MTUS1: variants seen among roughly 807,000 people sequenced by gnomAD.
MTUS1 encodes microtubule associated scaffold protein 1, also known as microtubule-associated tumor suppressor 1.
In MTUS1, 109 loss-of-function variants were observed where a neutral mutation model predicts 120.8. The ratio of observed to expected loss-of-function variants is 0.90; its 90% CI spans 0.77 to 1.06. MTUS1 has a LOEUF of 1.06. MTUS1 is among the 50% of genes least tolerant of loss of function. The pLI is 0.00. For synonymous variants in MTUS1, 737 were observed against 550.5 expected (o/e 1.34, Z -4.74); for missense variants, 2,210 against 1,486.3 (o/e 1.49, Z -8.01).
chr8:17,795,782 G>A (rs1323928736), intron 1 of MTUS1, among the ~76,000 whole-genome samples: 2 of 151,494 alleles, frequency 1.3e-5, no homozygotes, highest in Admixed American at 6.6e-5. Flanking sequence ...GGGGATATAA[G>A]CACCCACCAC....
chr8:17,793,798 C>T (rs1218655973), intron 1 of MTUS1, among the ~76,000 whole-genome samples: 37 of 152,126 alleles, frequency 2.4e-4, no homozygotes, highest in Non-Finnish European at 2.2e-4. Flanking sequence ...ATACAACCTA[C>T]GTGACCAAAC....
intron 1 of MTUS1, among the ~76,000 whole-genome samples, chr8:17,778,638 T>C (rs1359553839): frequency 1.3e-5 from 2 of 151,964 alleles, no homozygotes. Context: ...TGAAACCCTG[T>C]CTCTACCAAA....
chr8:17,686,803 C>A (rs1013125383), intron 6 of MTUS1, among the ~76,000 whole-genome samples: 1 of 152,088 alleles, frequency 6.6e-6, no homozygotes, highest in Non-Finnish European at 1.5e-5. Context: ...ACAATGTTTA[C>A]TTTTGAAGGG....
intron 8 of MTUS1, among the ~76,000 whole-genome samples, chr8:17,657,907 A>G (rs1808772895): frequency 6.6e-6 from 1 of 151,472 alleles, no homozygotes; most frequent in Non-Finnish European, 1.5e-5. Context: ...GTATGCATGC[A>G]TATATGTATA....
chr8:17,653,334 C>G (rs1012147051), intron 11 of MTUS1, 53 bp from the exon 12 acceptor site: 5 of 1,482,318 alleles, frequency 3.4e-6, no homozygotes, highest in Non-Finnish European at 4.6e-6. Flanking sequence ...CCCAGAAACT[C>G]AGCATACGTA....
chr8:17,654,716 A>C, intron 9 of MTUS1, 50 bp from the exon 10 acceptor site: 1 of 1,341,190 alleles, frequency 7.5e-7, no homozygotes, highest in Non-Finnish European at 1.1e-6. Context: ...CAAATGTCCT[A>C]AGTTGAATAC....
chr8:17,702,988 C>T (rs1353764187), intron 6 of MTUS1, among the ~76,000 whole-genome samples: 1 of 152,286 alleles, frequency 6.6e-6, no homozygotes, highest in East Asian at 1.9e-4. Flanking sequence ...TCTTTGTAAG[C>T]TGAGGATGTA....
At chr8:17,667,280 T>G (rs1811113414) in intron 8 of MTUS1, among the ~76,000 whole-genome samples, 1 of 152,228 alleles carries the variant, frequency 6.6e-6, no homozygotes, top group Admixed American at 6.5e-5. Flanking sequence ...CAGCCCTGTT[T>G]TGGTGTACAG....
chr8:17,764,179 T>C (rs924149174), intron 1 of MTUS1, among the ~76,000 whole-genome samples: 38 of 152,240 alleles, frequency 2.5e-4, no homozygotes, highest in African/African-American at 9.2e-4. Context: ...TTTAGTCATC[T>C]TTTGTTTTGT....
At chr8:17,787,818 C>T (rs2131563493) in intron 1 of MTUS1, among the ~76,000 whole-genome samples, 1 of 152,316 alleles carries the variant, frequency 6.6e-6, no homozygotes, top group African/African-American at 2.4e-5. Flanking sequence ...ATAGTTTATT[C>T]ATCCAGTCAC....
intron 2 of MTUS1, among the ~76,000 whole-genome samples, chr8:17,751,834 G>C (rs2048216844): frequency 7.0e-6 from 1 of 143,368 alleles, no homozygotes; most frequent in African/African-American, 2.7e-5. Context: ...CTCCAGCCTG[G>C]CGAAAGAGCA....
intron 2 of MTUS1, among the ~76,000 whole-genome samples, chr8:17,747,551 GC>G (rs1563313239): frequency 6.6e-6 from 1 of 152,144 alleles, no homozygotes; most frequent in African/African-American, 2.4e-5. Context: ...GAAACCCACA[GC>G]CTAAAGTGAG....
chr8:17,723,787 C>T lies in MTUS1; in HGVS notation c.2334G>A (p.Leu778=), dbSNP rs1286132327. 8 of 1,609,008 alleles carry T rather than the reference C, an allele frequency of 5.0e-6. No individual in the cohort carries two copies. The highest frequency in any genetic ancestry group is 4.4e-5 in the South Asian group (4 of 90,744). Reference sequence around the variant, plus strand: ...CTTTGGATTTAGGAAGTGGTCTAGGCAAATTCACCCATGACGACTGTGCAG... The same window carrying T: ...CTTTGGATTTAGGAAGTGGTCTAGGTAAATTCACCCATGACGACTGTGCAG... The part of the protein sequence containing the change: ...LKTAQSSWVN[L]PRPLPKSKAS... The change falls in exon 4 of 15, where the codon TTG becomes TTA. Residue 778 remains leucine, a synonymous_variant. Coordinates refer to ENST00000693296, the MANE Select transcript of MTUS1 (RefSeq NM_001363059.2).
At chr8:17,666,151 A>G (rs188549622) in intron 8 of MTUS1, among the ~76,000 whole-genome samples, 7 of 147,788 alleles carry the variant, frequency 4.7e-5, no homozygotes, top group Admixed American at 2.7e-4. Context: ...ATAAACGAAC[A>G]CATTTAGGAA....
intron 4 of MTUS1, among the ~76,000 whole-genome samples, chr8:17,720,270 G>A (rs950762848): frequency 2.0e-5 from 3 of 151,754 alleles, no homozygotes; most frequent in Non-Finnish European, 4.4e-5. Context: ...GCTTGAACCC[G>A]GGAGGCAGAG....
rs1271024973 is a variant in MTUS1 at position 17,645,338 on chromosome 8, T to C, written c.*588A>G. ...GAGCAGAGTTGGTGGTAGATGATCATAATTCAAGCAACTATTGCTTTTTCT... is the reference window on the plus strand; with the variant it reads ...GAGCAGAGTTGGTGGTAGATGATCACAATTCAAGCAACTATTGCTTTTTCT... On this transcript the variant is annotated 3_prime_UTR_variant, in exon 15 of 15. Transcript: ENST00000693296. 3.3e-5 allele frequency: 5 copies of C among 152,874 alleles called. No individual in the cohort carries two copies. The highest frequency in any genetic ancestry group is 2.0e-4 in the Admixed American group (3 of 15,294). 9.5% of individuals were successfully genotyped at this position (152,874 alleles called of 1,614,324 possible).
intron 1 of MTUS1, among the ~76,000 whole-genome samples, chr8:17,774,076 C>A (rs2050216565): frequency 6.6e-6 from 1 of 152,172 alleles, no homozygotes; most frequent in Non-Finnish European, 1.5e-5. Context: ...AGTCCCCAAC[C>A]CACAAGCATA....
At chr8:17,794,422 T>A (rs975459841) in intron 1 of MTUS1, among the ~76,000 whole-genome samples, 2 of 152,234 alleles carry the variant, frequency 1.3e-5, no homozygotes, top group African/African-American at 2.4e-5. Flanking sequence ...ACATGAAATA[T>A]AAGCCTAACT....
intron 2 of MTUS1, among the ~76,000 whole-genome samples, chr8:17,750,617 T>C (rs921541518): frequency 3.9e-5 from 6 of 152,142 alleles, no homozygotes; most frequent in Admixed American, 3.3e-4. Flanking sequence ...CTCGCTGAAG[T>C]ATTAAAATGT....
Sources: gnomAD v4.1 joint callset for allele counts (sites outside exome capture counted in the v4.1 genomes callset) on GRCh38, gnomAD v4.1.1 for gene constraint, MANE v1.5 for transcripts, NCBI Gene and HGNC (gene_info 2026-07-23, HGNC 2026-07-21) for gene names.